The following NCKAP5 variants were observed in gnomAD, a reference collection of about 807,000 sequenced individuals.
NCKAP5 encodes the protein NCK associated protein 5, also known as nck-associated protein 5.
NCKAP5 carries 92 observed loss-of-function variants against 167.0 expected under a neutral mutation model. The ratio of observed to expected loss-of-function variants is 0.55; its 90% CI spans 0.47 to 0.66. The LOEUF (loss-of-function observed/expected upper bound fraction) is 0.66. NCKAP5 is among the 30% of genes least tolerant of loss of function. NCKAP5 has a pLI of 0.00. For synonymous variants in NCKAP5, 891 were observed against 877.4 expected, an observed-to-expected ratio of 1.02 and a Z score of -0.27; for missense variants, 2,378 against 2,315.0, an observed-to-expected ratio of 1.03 and a Z score of -0.56.
chr2:133,189,479 A>C (rs2085109270), intron 5 of NCKAP5, among the ~76,000 whole-genome samples: 1 of 152,008 alleles, frequency 6.6e-6, no homozygotes, highest in African/African-American at 2.4e-5. Flanking sequence ...GAGACACAAC[A>C]AAAAAAGAGA....
chr2:132,724,598 T>C (rs2105420633), intron 19 of NCKAP5, among the ~76,000 whole-genome samples: 1 of 152,134 alleles, frequency 6.6e-6, no homozygotes, highest in South Asian at 2.1e-4. Flanking sequence ...TTCCCCTTCA[T>C]CTATCACAGT....
At chr2:133,364,593 A>T (rs1011249786) in intron 3 of NCKAP5, among the ~76,000 whole-genome samples, 8 of 152,134 alleles carry the variant, frequency 5.3e-5, no homozygotes, top group African/African-American at 1.9e-4. Flanking sequence ...CTTTGGAAGA[A>T]TATTGATTAG....
At chr2:132,879,778 G>T (rs1691608050) in intron 8 of NCKAP5, among the ~76,000 whole-genome samples, 1 of 152,172 alleles carries the variant, frequency 6.6e-6, no homozygotes, top group Non-Finnish European at 1.5e-5. Context: ...TTTGGAAGTA[G>T]GGGTATAGTA....
At chr2:133,273,459 C>T (rs2089600126) in intron 4 of NCKAP5, among the ~76,000 whole-genome samples, 1 of 151,750 alleles carries the variant, frequency 6.6e-6, no homozygotes, top group Non-Finnish European at 1.5e-5. Flanking sequence ...TACAGAAACT[C>T]TAATAACCCA....
chr2:132,994,693 A>C (rs1559030720), intron 6 of NCKAP5, among the ~76,000 whole-genome samples: 1 of 152,216 alleles, frequency 6.6e-6, no homozygotes, highest in Non-Finnish European at 1.5e-5. Context: ...GTAAAGATTT[A>C]CTTCATTCTT....
At chr2:133,043,855 A>G (rs2079296822) in intron 6 of NCKAP5, among the ~76,000 whole-genome samples, 1 of 150,314 alleles carries the variant, frequency 6.7e-6, no homozygotes, top group African/African-American at 2.5e-5. Context: ...ACAGCTTGGA[A>G]TTCTGTAATA....
At position 132,725,672 on chromosome 2, in the gene NCKAP5, C is replaced by T. The variant is rs994379634; in HGVS notation, c.5668G>A (p.Ala1890Thr). 2 of 1,612,764 alleles carry T rather than the reference C, an allele frequency of 1.2e-6. No individual in the cohort carries two copies. Among genetic ancestry groups the T allele is most frequent in the African/African-American group, 2.7e-5 (2 of 74,886 alleles). ...GCTTTCACTAACTGTCCCCTTCCAG[C>T]TCCAAAACCATTATCTCCATAGTCC... ...DLDYGDNGFGAGRGQLVKALK... is the reference protein window; with the variant it reads ...DLDYGDNGFGTGRGQLVKALK... Residue 1890 changes from alanine (A) to threonine (T), a missense_variant, in exon 19 of 20, where the codon GCT becomes ACT. Physicochemically the swap from Ala to Thr is moderately conservative, Grantham distance 58. This residue lies in a region of NCKAP5 where 1,325 missense variants were observed against 1,274.5 expected (regional missense o/e 1.04). Transcript: ENST00000409261.
Position 132,997,003 on chromosome 2 carries a change from G to T in NCKAP5, c.342-2764C>A, listed in dbSNP as rs1294835640. Among the ~76,000 whole-genome samples, 4 of 152,222 alleles carry T rather than the reference G, an allele frequency of 2.6e-5. No individual in the cohort carries two copies. The East Asian group carries it at 7.7e-4, about 29-fold the overall frequency. ...ATTTGAGTGACTCAGTATGACACTG[G>T]TTGAAGAGAACTGTGAAGAAAAGCA... On this transcript the variant is annotated intron_variant, in intron 6 of 19. Transcript: ENST00000409261.
At chr2:132,842,141 C>T (rs569769863) in intron 11 of NCKAP5, among the ~76,000 whole-genome samples, 1 of 152,166 alleles carries the variant, frequency 6.6e-6, no homozygotes, top group East Asian at 1.9e-4. Flanking sequence ...CTTTAATTGT[C>T]TTTCCAATCT....
At chr2:133,458,785 G>C (rs757453015) in intron 3 of NCKAP5, among the ~76,000 whole-genome samples, 7 of 152,098 alleles carry the variant, frequency 4.6e-5, no homozygotes, top group Non-Finnish European at 8.8e-5. Context: ...GGACTCTCGG[G>C]GTTTAGGAAC....
chr2:133,540,555 A>G (rs1686139012), intron 2 of NCKAP5, among the ~76,000 whole-genome samples: 1 of 152,218 alleles, frequency 6.6e-6, no homozygotes, highest in South Asian at 2.1e-4. Context: ...AAAAAATGAG[A>G]GAGAAGGAGT....
chr2:132,952,492 T>A (rs1000058767), intron 8 of NCKAP5, among the ~76,000 whole-genome samples: 40 of 152,198 alleles, frequency 2.6e-4, no homozygotes, highest in African/African-American at 9.2e-4. Flanking sequence ...AGAATGTTTT[T>A]TTCTTTCTCT....
intron 12 of NCKAP5, among the ~76,000 whole-genome samples, chr2:132,794,648 T>TACACAC (rs4057986): frequency 0.024 from 3,432 of 142,520 alleles, 82 homozygotes; most frequent in African/African-American, 0.058. Flanking sequence ...CAACAACAAA[T>TACACAC]ACACACACAC....
intron 8 of NCKAP5, among the ~76,000 whole-genome samples, chr2:132,946,571 C>T (rs1014893777): frequency 6.6e-6 from 1 of 152,144 alleles, no homozygotes; most frequent in Admixed American, 6.5e-5. Context: ...AAAAAGTGAA[C>T]TCCACTTCAT....
At chr2:133,097,051 G>A (rs948197515) in intron 6 of NCKAP5, among the ~76,000 whole-genome samples, 11 of 152,116 alleles carry the variant, frequency 7.2e-5, no homozygotes, top group Admixed American at 2.0e-4. Flanking sequence ...CATTGCCCAC[G>A]ACATTTGGAG....
intron 19 of NCKAP5, among the ~76,000 whole-genome samples, chr2:132,716,040 G>A (rs1463759613): frequency 3.9e-5 from 6 of 152,106 alleles, no homozygotes; most frequent in Non-Finnish European, 7.4e-5. Context: ...CTCATCCCTT[G>A]ACTCTGCACA....
At chr2:133,358,998 C>A (rs573441291) in intron 3 of NCKAP5, among the ~76,000 whole-genome samples, 22 of 152,248 alleles carry the variant, frequency 1.4e-4, no homozygotes, top group African/African-American at 4.6e-4. Context: ...AGAGCTCAAG[C>A]AAGTTTTATA....
chr2:133,608,628 C>A, the NCKAP5 span, among the ~76,000 whole-genome samples: 1 of 152,168 alleles, frequency 6.6e-6, no homozygotes, highest in East Asian at 1.9e-4. Context: ...ATAGAGATAA[C>A]AATCCAAACC....
intron 4 of NCKAP5, among the ~76,000 whole-genome samples, chr2:133,297,905 C>T (rs1317468114): frequency 1.3e-5 from 2 of 152,142 alleles, no homozygotes; most frequent in Admixed American, 6.5e-5. Flanking sequence ...GAGAAGGAGC[C>T]TATACTGATT....
Sources: gnomAD v4.1 joint callset for allele counts (sites outside exome capture counted in the v4.1 genomes callset) on GRCh38, gnomAD v4.1.1 for gene constraint, gnomAD v4.1.1 regional missense constraint, MANE v1.5 for transcripts, NCBI Gene and HGNC (gene_info 2026-07-23, HGNC 2026-07-21) for gene names.